Variants in DPP6 observed in about 807,000 individuals in gnomAD.
DPP6 encodes A-type potassium channel modulatory protein DPP6.
DPP6 carries 69 observed loss-of-function variants against 122.6 expected under a neutral mutation model. The observed-to-expected ratio is 0.56, with a 90% CI of 0.46 to 0.69. The LOEUF (loss-of-function observed/expected upper bound fraction) is 0.69. Ranked by LOEUF, DPP6 falls within the 30% of genes least tolerant of loss-of-function variation. The pLI is 0.00. For missense variants in DPP6, 928 were observed against 1,116.9 expected (o/e 0.83, Z 2.41); for synonymous variants, 418 against 433.1 (o/e 0.97, Z 0.43).
At chr7:154,599,611 G>A (rs1324493645) in intron 5 of DPP6, among the ~76,000 whole-genome samples, 2 of 151,734 alleles carry the variant, frequency 1.3e-5, no homozygotes, top group Non-Finnish European at 2.9e-5. Context: ...ATGTTGGTGT[G>A]CTGCACCCAT....
intron 13 of DPP6, among the ~76,000 whole-genome samples, chr7:154,801,751 C>A (rs1002593308): frequency 6.6e-6 from 1 of 152,130 alleles, no homozygotes; most frequent in Non-Finnish European, 1.5e-5. Flanking sequence ...TGTTGGAGGA[C>A]TGTCTGTGCC....
chr7:154,868,644 G>A (rs191327235), intron 18 of DPP6, among the ~76,000 whole-genome samples: 6 of 152,250 alleles, frequency 3.9e-5, no homozygotes, highest in Non-Finnish European at 7.4e-5. Flanking sequence ...TGTGCTAGGC[G>A]TTGCTAAGCA....
intron 1 of DPP6, among the ~76,000 whole-genome samples, chr7:154,089,059 C>T (rs1804627966): frequency 1.3e-5 from 2 of 152,106 alleles, no homozygotes; most frequent in Admixed American, 1.3e-4. Flanking sequence ...TAGTTGAAAA[C>T]ACTAAAGTTG....
chr7:154,011,090 TC>T (rs1798133554), intron 1 of DPP6, among the ~76,000 whole-genome samples: 1 of 152,158 alleles, frequency 6.6e-6, no homozygotes, highest in Non-Finnish European at 1.5e-5. Context: ...CTCTCCTGTT[TC>T]CTTGCTGGTT....
chr7:154,000,462 G>A (rs1272026322), intron 1 of DPP6, among the ~76,000 whole-genome samples: 1 of 152,124 alleles, frequency 6.6e-6, no homozygotes, highest in African/African-American at 2.4e-5. Flanking sequence ...AGAGGTTCTG[G>A]TGACAGCCCA....
At chr7:154,478,822 A>G (rs546752417) in intron 3 of DPP6, among the ~76,000 whole-genome samples, 2 of 152,350 alleles carry the variant, frequency 1.3e-5, no homozygotes, top group African/African-American at 4.8e-5. Flanking sequence ...AGTTCAGAAT[A>G]ATTGCCACTT....
At chr7:154,797,983 G>A (rs7798475) in intron 12 of DPP6, among the ~76,000 whole-genome samples, 7,351 of 152,288 alleles carry the variant, frequency 0.048, 229 homozygotes, top group African/African-American at 0.08. Flanking sequence ...CAGAAAAAGC[G>A]TGGTGGACAT....
intron 3 of DPP6, among the ~76,000 whole-genome samples, chr7:154,512,552 T>G (rs1215289435): frequency 6.6e-6 from 1 of 152,208 alleles, no homozygotes; most frequent in Non-Finnish European, 1.5e-5. Flanking sequence ...CAATGAGTTA[T>G]TCTCATTTGT....
chr7:154,547,893 CAT>C (rs932002099), intron 4 of DPP6, among the ~76,000 whole-genome samples: 11 of 152,148 alleles, frequency 7.2e-5, no homozygotes, highest in African/African-American at 2.7e-4. Flanking sequence ...ACTTTTACCA[CAT>C]AGACCATGAT....
At chr7:154,464,063 C>G (rs1288546682) in intron 2 of DPP6, among the ~76,000 whole-genome samples, 2 of 152,304 alleles carry the variant, frequency 1.3e-5, no homozygotes, top group East Asian at 3.9e-4. Flanking sequence ...CCTAGACTGC[C>G]TTTCAAGTTA....
intron 1 of DPP6, among the ~76,000 whole-genome samples, chr7:154,427,144 G>A (rs760946367): frequency 1.8e-4 from 27 of 152,142 alleles, no homozygotes; most frequent in Non-Finnish European, 1.5e-4. Context: ...GATGTTTTTA[G>A]TTTTCTGCTT....
intron 6 of DPP6, among the ~76,000 whole-genome samples, chr7:154,650,045 C>A (rs139908508): frequency 8.5e-5 from 13 of 152,102 alleles, no homozygotes; most frequent in Non-Finnish European, 1.2e-4. Flanking sequence ...TGTGGGCCTG[C>A]GCAGTGATTC....
At chr7:154,443,804 T>C (rs1586288628) in intron 1 of DPP6, among the ~76,000 whole-genome samples, 1 of 152,334 alleles carries the variant, frequency 6.6e-6, no homozygotes, top group East Asian at 1.9e-4. Flanking sequence ...TGCTTTTCCA[T>C]TTTAATGGAT....
intron 1 of DPP6, among the ~76,000 whole-genome samples, chr7:153,920,557 C>CTATATTTTTT: frequency 4.0e-5 from 1 of 24,786 alleles, no homozygotes; most frequent in East Asian, 2.9e-3. Flanking sequence ...TTTCTTTTAT[C>CTATATTTTTT]TCTCTCTTTT....
chr7:154,233,088 T>G (rs974652427), intron 1 of DPP6, among the ~76,000 whole-genome samples: 14 of 152,348 alleles, frequency 9.2e-5, no homozygotes, highest in Admixed American at 5.9e-4. Context: ...AACTGTTGAC[T>G]CTAAGGAATA....
intron 17 of DPP6, among the ~76,000 whole-genome samples, chr7:154,864,686 C>A (rs1803699860): frequency 2.0e-5 from 3 of 152,242 alleles, no homozygotes; most frequent in Admixed American, 6.5e-5. Context: ...GTTGTGTGGG[C>A]AATCATTAAA....
At chr7:154,515,876 C>T (rs1442589927) in intron 3 of DPP6, among the ~76,000 whole-genome samples, 1 of 152,122 alleles carries the variant, frequency 6.6e-6, no homozygotes, top group Non-Finnish European at 1.5e-5. Context: ...ATGATCACTG[C>T]AGGAATAGGA....
intron 2 of DPP6, among the ~76,000 whole-genome samples, chr7:154,446,779 A>G (rs1263034608): frequency 6.6e-6 from 1 of 152,246 alleles, no homozygotes; most frequent in Non-Finnish European, 1.5e-5. Flanking sequence ...TCTCTCAGGA[A>G]AGAAAAGACA....
At chr7:154,575,027 TGTGTGGTGTGTGTG>T (rs1195236295) in intron 5 of DPP6, among the ~76,000 whole-genome samples, 10 of 143,978 alleles carry the variant, frequency 6.9e-5, no homozygotes, top group South Asian at 2.4e-4. Context: ...GTGGTGTATG[TGTGTGGTGTGTGTG>T]GTGTGGTGTG....
Sources: allele counts gnomAD v4.1 joint callset (sites outside exome capture counted in the v4.1 genomes callset), GRCh38; gene constraint gnomAD v4.1.1; transcripts MANE v1.5; gene names NCBI Gene and HGNC (gene_info 2026-07-23, HGNC 2026-07-21).